The following RPS6KC1 variants were observed in gnomAD, a reference collection of about 807,000 sequenced individuals.
The protein encoded by RPS6KC1 is ribosomal protein S6 kinase C1, also known as inactive ribosomal protein S6 kinase delta-1.
RPS6KC1 carries 54 observed loss-of-function variants against 103.8 expected under a neutral mutation model. The ratio of observed to expected loss-of-function variants is 0.52; its 90% CI spans 0.42 to 0.65. The LOEUF (loss-of-function observed/expected upper bound fraction) is 0.65. Ranked by LOEUF, RPS6KC1 falls within the 30% of genes least tolerant of loss-of-function variation. The pLI is 0.00. For synonymous variants in RPS6KC1, 439 were observed against 438.7 expected, an observed-to-expected ratio of 1.00 and a Z score of -0.01; for missense variants, 1,151 against 1,253.8, an observed-to-expected ratio of 0.92 and a Z score of 1.24.
At chr1:213,534,203 G>A in the RPS6KC1 span, among the ~76,000 whole-genome samples, 1 of 152,224 alleles carries the variant, frequency 6.6e-6, no homozygotes, top group Non-Finnish European at 1.5e-5. Context: ...GTCACAGACA[G>A]CGAATGGGAA....
intron 6 of RPS6KC1, among the ~76,000 whole-genome samples, chr1:213,151,760 G>A (rs1572864835): frequency 7.4e-6 from 1 of 134,730 alleles, no homozygotes. Context: ...CCCGGACGAG[G>A]CGGCTGGCCT....
At chr1:213,536,020 A>C in the RPS6KC1 span, among the ~76,000 whole-genome samples, 6 of 152,188 alleles carry the variant, frequency 3.9e-5, 1 homozygote, top group African/African-American at 1.4e-4. Context: ...AAGGCAGCCA[A>C]TAGTGTTCCC....
chr1:213,458,400 G>A, the RPS6KC1 span, among the ~76,000 whole-genome samples: 3 of 151,902 alleles, frequency 2.0e-5, no homozygotes, highest in Admixed American at 6.6e-5. Flanking sequence ...CCAGCCCACC[G>A]TTGATGGACA....
the RPS6KC1 span, among the ~76,000 whole-genome samples, chr1:213,696,958 G>A: frequency 3.4e-4 from 52 of 152,174 alleles, no homozygotes; most frequent in Non-Finnish European, 7.2e-4. Context: ...GATGCCAGTC[G>A]CAAGTAGACA....
At chr1:213,645,550 C>A in the RPS6KC1 span, among the ~76,000 whole-genome samples, 1 of 152,056 alleles carries the variant, frequency 6.6e-6, no homozygotes, top group Admixed American at 6.5e-5. Flanking sequence ...GGTTGTAATC[C>A]CCCTACCCCA....
chr1:213,390,503 T>C, the RPS6KC1 span, among the ~76,000 whole-genome samples: 1 of 152,184 alleles, frequency 6.6e-6, no homozygotes, highest in East Asian at 1.9e-4. Flanking sequence ...ACAGAAAATA[T>C]GGCAAATGAT....
chr1:213,566,542 T>TTC, the RPS6KC1 span, among the ~76,000 whole-genome samples: 3 of 143,756 alleles, frequency 2.1e-5, no homozygotes, highest in African/African-American at 7.8e-5. Flanking sequence ...TGGGTGAAAT[T>TTC]TCTCAACCTA....
chr1:213,422,596 T>A, the RPS6KC1 span, among the ~76,000 whole-genome samples: 2 of 152,222 alleles, frequency 1.3e-5, no homozygotes, highest in Non-Finnish European at 1.5e-5. Flanking sequence ...ACTTATTAAG[T>A]GTTTGTTGAA....
chr1:213,667,583 T>C, the RPS6KC1 span, among the ~76,000 whole-genome samples: 1 of 152,206 alleles, frequency 6.6e-6, no homozygotes, highest in Non-Finnish European at 1.5e-5. Flanking sequence ...CTAATCAGGG[T>C]GGTGACTGCT....
At chr1:213,844,077 G>A in the RPS6KC1 span, among the ~76,000 whole-genome samples, 1 of 152,186 alleles carries the variant, frequency 6.6e-6, no homozygotes, top group Middle Eastern at 3.4e-3. Context: ...ATGTTAATTA[G>A]TAGCTCTTTT....
At chr1:213,394,785 C>T in the RPS6KC1 span, among the ~76,000 whole-genome samples, 1 of 152,148 alleles carries the variant, frequency 6.6e-6, no homozygotes, top group African/African-American at 2.4e-5. Flanking sequence ...TCCACGCACT[C>T]GCAAGTCTAG....
At chr1:213,545,411 T>TAAATAAAAAAAAA in the RPS6KC1 span, among the ~76,000 whole-genome samples, 1 of 75,256 alleles carries the variant, frequency 1.3e-5, no homozygotes. Context: ...AATAAATAAA[T>TAAATAAAAAAAAA]AAATAAAATA....
chr1:213,521,967 T>G, the RPS6KC1 span, among the ~76,000 whole-genome samples: 2 of 152,238 alleles, frequency 1.3e-5, no homozygotes, highest in Non-Finnish European at 1.5e-5. Flanking sequence ...CCTCCTCCTG[T>G]GAATCACAAA....
chr1:213,174,449 C>T (rs574512777), intron 7 of RPS6KC1, among the ~76,000 whole-genome samples: 3 of 152,166 alleles, frequency 2.0e-5, no homozygotes, highest in South Asian at 2.1e-4. Flanking sequence ...GTGGGTGGAT[C>T]ACCTGAGGTC....
the RPS6KC1 span, among the ~76,000 whole-genome samples, chr1:213,715,180 C>G: frequency 1.3e-5 from 2 of 152,156 alleles, no homozygotes; most frequent in Non-Finnish European, 2.9e-5. Context: ...AAGTCGGAAG[C>G]AGGATGTGTG....
chr1:213,763,349 A>T, the RPS6KC1 span, among the ~76,000 whole-genome samples: 1 of 152,306 alleles, frequency 6.6e-6, no homozygotes, highest in Middle Eastern at 3.4e-3. Context: ...AAGATGAGGA[A>T]GGAACTGACT....
chr1:213,688,314 C>T, the RPS6KC1 span, among the ~76,000 whole-genome samples: 1 of 152,138 alleles, frequency 6.6e-6, no homozygotes, highest in South Asian at 2.1e-4. Flanking sequence ...AATCCTCAGG[C>T]TCCCAGATGT....
the RPS6KC1 span, among the ~76,000 whole-genome samples, chr1:213,710,251 T>G: frequency 6.6e-6 from 1 of 152,222 alleles, no homozygotes; most frequent in Non-Finnish European, 1.5e-5. Flanking sequence ...GTTGCATTGG[T>G]CACTTTACCA....
At chr1:213,118,678 A>G (rs2083992425) in intron 5 of RPS6KC1, among the ~76,000 whole-genome samples, 1 of 151,588 alleles carries the variant, frequency 6.6e-6, no homozygotes, top group Admixed American at 6.6e-5. Context: ...TACCGTATTG[A>G]GAAGTGGTTA....
Sources: allele counts gnomAD v4.1 joint callset (sites outside exome capture counted in the v4.1 genomes callset), GRCh38; gene constraint gnomAD v4.1.1; transcripts MANE v1.5; gene names NCBI Gene and HGNC (gene_info 2026-07-23, HGNC 2026-07-21).